The following SCARB1 variants were observed in gnomAD, a reference collection of about 807,000 sequenced individuals.
SCARB1 encodes scavenger receptor class B member 1.
In SCARB1, 30 loss-of-function variants were observed where a neutral mutation model predicts 57.2. The ratio of observed to expected loss-of-function variants is 0.52; its 90% CI spans 0.39 to 0.71. SCARB1 has a LOEUF of 0.71. Among genes scored for constraint, SCARB1 ranks in the 30% least tolerant of loss-of-function variants. The probability of loss-of-function intolerance (pLI) is 0.00; values close to 1 mark genes in which losing one functional copy is unlikely to be tolerated. For synonymous variants in SCARB1, 249 were observed against 268.3 expected (o/e 0.93, Z 0.70); for missense variants, 543 against 671.2 (o/e 0.81, Z 2.11).
At chr12:124,792,786 C>G (rs1363595130) in intron 9 of SCARB1, among the ~76,000 whole-genome samples, 1 of 150,206 alleles carries the variant, frequency 6.7e-6, no homozygotes, top group African/African-American at 2.5e-5. Context: ...ATTGACAGAG[C>G]TCCTGTTAAA....
At chr12:124,794,162 A>C (rs1456913591) in intron 9 of SCARB1, among the ~76,000 whole-genome samples, 4 of 152,178 alleles carry the variant, frequency 2.6e-5, no homozygotes, top group Non-Finnish European at 5.9e-5. Context: ...GTGAGTGTTA[A>C]TGAGTGTGGG....
chr12:124,858,387 T>C (rs952740668), intron 1 of SCARB1, among the ~76,000 whole-genome samples: 9 of 152,038 alleles, frequency 5.9e-5, no homozygotes, highest in Admixed American at 1.3e-4. Flanking sequence ...GCCCTTAGTG[T>C]GCCTGTCCAA....
intron 7 of SCARB1, among the ~76,000 whole-genome samples, chr12:124,806,422 C>T (rs141978558): frequency 3.5e-4 from 54 of 152,286 alleles, no homozygotes; most frequent in African/African-American, 1.2e-3. Flanking sequence ...CAACAGCAGT[C>T]ATCACATCTG....
At chr12:124,778,718 G>A (rs1872780616) in intron 12 of SCARB1, 132 bp from the exon 13 acceptor site, 2 of 952,616 alleles carry the variant, frequency 2.1e-6, no homozygotes, top group Non-Finnish European at 2.8e-6. Flanking sequence ...TGTCAGAAGT[G>A]AGAAGAGACT....
intron 2 of SCARB1, among the ~76,000 whole-genome samples, chr12:124,815,351 C>CGGCCA (rs1950671895): frequency 6.6e-6 from 1 of 152,218 alleles, no homozygotes; most frequent in Non-Finnish European, 1.5e-5. Context: ...CCACCCAACA[C>CGGCCA]GGCCATCGTC....
chr12:124,809,965 C>T (rs906933666), intron 6 of SCARB1, among the ~76,000 whole-genome samples: 2 of 152,234 alleles, frequency 1.3e-5, no homozygotes, highest in African/African-American at 4.8e-5. Context: ...CAAACCACCA[C>T]CAGCAGCCTC....
In SCARB1 at chr12:124,778,496, TGGGAGAGTCC is replaced by T; in HGVS notation, c.*81_*90del. On this transcript the variant is annotated 3_prime_UTR_variant, in exon 13 of 13. Coordinates refer to ENST00000261693, the MANE Select transcript of SCARB1 (RefSeq NM_005505.5). ...GCTGTGGGGCTGGGGGGCTGTCCGC[TGGGAGAGTCC>T]GGGAGAAGCGGGGTGTAGGGGCTGG... 2.2e-6 allele frequency: 3 copies of T among 1,337,344 alleles called. No individual in the cohort carries two copies. The highest frequency in any genetic ancestry group is 2.9e-6 in the Non-Finnish European group (3 of 1,041,166). 82.8% of individuals were successfully genotyped at this position (1,337,344 alleles called of 1,614,324 possible).
chr12:124,824,808 C>T (rs1308516714), intron 1 of SCARB1, among the ~76,000 whole-genome samples: 5 of 152,238 alleles, frequency 3.3e-5, no homozygotes, highest in Admixed American at 6.5e-5. Flanking sequence ...GCTAGGGCCA[C>T]GACCTGCACA....
rs371132142 is a variant in SCARB1, at chr12:124,787,461, G to T, written c.1203-4C>A. 2 of 1,613,084 alleles carry T rather than the reference G, an allele frequency of 1.2e-6. No homozygotes were observed. The highest frequency in any genetic ancestry group is 2.7e-5 in the African/African-American group (2 of 75,012). On this transcript the variant is annotated splice_region_variant and splice_polypyrimidine_tract_variant and intron_variant, in intron 9 of 12. Coordinates refer to ENST00000261693, the MANE Select transcript of SCARB1 (RefSeq NM_005505.5). ...AGGCTCAATCTTCCCAGTTTGTCTGGAAATAAGCAAGACATAGCTGTGTGA... is the reference window on the plus strand; with the variant it reads ...AGGCTCAATCTTCCCAGTTTGTCTGTAAATAAGCAAGACATAGCTGTGTGA...
intron 2 of SCARB1, among the ~76,000 whole-genome samples, chr12:124,816,552 T>C (rs1290423575): frequency 1.3e-5 from 2 of 152,174 alleles, no homozygotes; most frequent in Non-Finnish European, 2.9e-5. Flanking sequence ...GGTTTTCATC[T>C]TGGCTTTCCC....
chr12:124,848,645 G>A (rs1430407759), intron 1 of SCARB1, among the ~76,000 whole-genome samples: 1 of 152,240 alleles, frequency 6.6e-6, no homozygotes, highest in Non-Finnish European at 1.5e-5. Flanking sequence ...AGAACCTTGG[G>A]TGATGTGGTG....
intron 1 of SCARB1, among the ~76,000 whole-genome samples, chr12:124,827,174 C>T (rs11057837): frequency 0.11 from 17,078 of 152,028 alleles, 1,091 homozygotes; most frequent in African/African-American, 0.16. Context: ...TTTATTCGGC[C>T]GGGAGCATCG....
At position 124,850,012 on chromosome 12, in the gene SCARB1, C is replaced by T. The variant is rs1329758813; in HGVS notation, c.126+13583G>A. Among the ~76,000 whole-genome samples, 3 of 125,722 alleles carry T rather than the reference C, an allele frequency of 2.4e-5. 1 individual carries two copies. The highest frequency in any genetic ancestry group is 3.5e-5 in the Non-Finnish European group (2 of 56,622). 82.5% of individuals were successfully genotyped at this position (125,722 alleles called of 152,430 possible). A position where few individuals can be genotyped will look rare whatever the true frequency, so the allele number is the denominator to read the frequency against. On this transcript the variant is annotated intron_variant, in intron 1 of 12. Coordinates refer to ENST00000261693, the MANE Select transcript of SCARB1 (RefSeq NM_005505.5). ...CTGAGTGGTTGAAGCTGCAGTGAGC[C>T]GTAATCATGCCACTGCACTCCAGCT...
chr12:124,797,633 T>C (rs762019829), intron 8 of SCARB1, among the ~76,000 whole-genome samples: 5 of 151,934 alleles, frequency 3.3e-5, no homozygotes, highest in Non-Finnish European at 7.4e-5. Flanking sequence ...AGAAAGAAAA[T>C]CCGTGCCCTG....
chr12:124,780,609 C>T (rs973451681), intron 12 of SCARB1, among the ~76,000 whole-genome samples: 1 of 152,174 alleles, frequency 6.6e-6, no homozygotes, highest in African/African-American at 2.4e-5. Context: ...CTAGGGGATC[C>T]GGGGCGCTGG....
intron 9 of SCARB1, among the ~76,000 whole-genome samples, chr12:124,787,805 G>A (rs572713556): frequency 1.3e-5 from 2 of 152,134 alleles, no homozygotes; most frequent in Non-Finnish European, 2.9e-5. Flanking sequence ...AAGCTCTGAG[G>A]CCAGGAGGGA....
At chr12:124,780,754 G>A (rs1873287726) in intron 12 of SCARB1, among the ~76,000 whole-genome samples, 1 of 152,336 alleles carries the variant, frequency 6.6e-6, no homozygotes, top group South Asian at 2.1e-4. Context: ...GCAGATGACA[G>A]GACATCCTGG....
Position 124,817,050 on chromosome 12 carries a change from ATG to A in SCARB1, c.284+498_284+499del, listed in dbSNP as rs1293154365. ...TGTGTGTGTGTGTGTGTGTGTGTGT[ATG>A]TGTGTATGCATGTGTAGGTACATGT... On this transcript the variant is annotated intron_variant, in intron 2 of 12. Transcript: ENST00000261693. The surrounding 1 kb of genome is among the most constrained non-coding windows in gnomAD (Gnocchi z 4.8). 7.5e-6 allele frequency among the ~76,000 whole-genome samples: 1 copy of A among 133,650 alleles called. No homozygotes were observed. The highest frequency in any genetic ancestry group is 7.5e-5 in the Admixed American group (1 of 13,382). The allele number at this position is 133,650 out of a possible 152,430, so 87.7% of individuals were successfully genotyped here.
chr12:124,820,866 C>A (rs998252980), intron 1 of SCARB1, among the ~76,000 whole-genome samples: 1 of 152,190 alleles, frequency 6.6e-6, no homozygotes, highest in East Asian at 1.9e-4. Flanking sequence ...CCGGTGTGCA[C>A]ACACCAGCCC....
Sources: gnomAD v4.1 joint callset for allele counts (sites outside exome capture counted in the v4.1 genomes callset) on GRCh38, gnomAD v4.1.1 for gene constraint, Gnocchi (gnomAD v3.1) non-coding constraint, MANE v1.5 for transcripts, NCBI Gene and HGNC (gene_info 2026-07-23, HGNC 2026-07-21) for gene names.